The following HM13 variants were observed in gnomAD, a reference collection of about 807,000 sequenced individuals.
The protein encoded by HM13 is signal peptide peptidase.
A neutral mutation model predicts 50.0 loss-of-function variants in HM13; 18 were observed. The observed-to-expected ratio is 0.36, with a 90% CI of 0.25 to 0.53. The LOEUF is 0.53. Ranked by LOEUF, HM13 falls within the 20% of genes least tolerant of loss-of-function variation. HM13 has a pLI of 0.90. For synonymous variants in HM13, 197 were observed against 232.6 expected, an observed-to-expected ratio of 0.85 and a Z score of 1.39; for missense variants, 393 against 552.4, an observed-to-expected ratio of 0.71 and a Z score of 2.89.
chr20:31,535,428 A>C (rs1983053717), intron 2 of HM13: 1 of 152,232 alleles, frequency 6.6e-6, no homozygotes, highest in South Asian at 2.1e-4. Flanking sequence ...AAATGGGCTT[A>C]GTTGTGGCTC....
At chr20:31,558,534 T>C (rs1335896177) in intron 8 of HM13, among the ~76,000 whole-genome samples, 1 of 137,120 alleles carries the variant, frequency 7.3e-6, no homozygotes, top group Non-Finnish European at 1.5e-5. Flanking sequence ...TCCAGGACCT[T>C]TGCACATGCT....
intron 2 of HM13, among the ~76,000 whole-genome samples, chr20:31,537,259 G>T (rs1156877580): frequency 1.3e-5 from 2 of 152,238 alleles, no homozygotes; most frequent in African/African-American, 4.8e-5. Flanking sequence ...GCAAGAGCAT[G>T]TGTGAGCCAA....
chr20:31,562,191 C>T (rs1038482190), intron 10 of HM13, among the ~76,000 whole-genome samples: 1 of 152,114 alleles, frequency 6.6e-6, no homozygotes, highest in Non-Finnish European at 1.5e-5. Context: ...CCAGGCTCTG[C>T]CTCCTTCTCC....
At chr20:31,540,312 C>T (rs1363365129) in intron 3 of HM13, 3 of 152,328 alleles carry the variant, frequency 2.0e-5, no homozygotes, top group Admixed American at 6.5e-5. Context: ...CCAGTCCTTT[C>T]GTGGTGGACC....
rs118112928 is a variant in HM13, at chr20:31,561,931, C to T, written c.948+195C>T. ...GCCACTGCTCTAGGCAGCATGGGCA[C>T]GTTAGAGGCAAGAAGGAGGGAAAAG... On this transcript the variant is annotated intron_variant, in intron 10 of 12. Coordinates refer to ENST00000398174, the MANE Select transcript of HM13 (RefSeq NM_178581.3). Among the ~76,000 whole-genome samples, 1,116 of 152,296 alleles carry T rather than the reference C, an allele frequency of 7.3e-3. 9 individuals carry two copies. The highest frequency in any genetic ancestry group is 0.048 in the Middle Eastern group (14 of 294).
intron 1 of HM13, among the ~76,000 whole-genome samples, chr20:31,516,064 C>T (rs1340234081): frequency 3.3e-5 from 5 of 152,218 alleles, no homozygotes. Context: ...AGTAGTTAGG[C>T]GGGGCTTAGG....
chr20:31,547,481 T>G (rs1244478203), intron 4 of HM13: 1 of 632,442 alleles, frequency 1.6e-6, no homozygotes, highest in Non-Finnish European at 2.8e-6. Flanking sequence ...GTTTCCCTGT[T>G]GTCGCCCGCT....
intron 1 of HM13, among the ~76,000 whole-genome samples, chr20:31,526,429 T>C (rs898353483): frequency 1.3e-5 from 2 of 152,202 alleles, no homozygotes; most frequent in Non-Finnish European, 2.9e-5. Flanking sequence ...AGTGCTGGGA[T>C]TACAGGCGTG....
At chr20:31,531,537 T>C (rs556003157) in intron 2 of HM13, among the ~76,000 whole-genome samples, 3 of 152,268 alleles carry the variant, frequency 2.0e-5, no homozygotes, top group Non-Finnish European at 4.4e-5. Context: ...TTTGGGACTA[T>C]AGACGTATGT....
intron 1 of HM13, among the ~76,000 whole-genome samples, chr20:31,518,202 A>C (rs989407064): frequency 1.4e-4 from 21 of 151,460 alleles, no homozygotes; most frequent in African/African-American, 4.8e-4. Context: ...CGCCTGGCTA[A>C]TTTTGTATTT....
intron 2 of HM13, among the ~76,000 whole-genome samples, chr20:31,537,677 C>G (rs1225782098): frequency 3.0e-4 from 46 of 152,194 alleles, no homozygotes; most frequent in Admixed American, 2.6e-3. Context: ...ATAGCTTCAG[C>G]CATCACTGCA....
intron 10 of HM13, among the ~76,000 whole-genome samples, chr20:31,564,368 G>C (rs422832): frequency 1.3e-5 from 2 of 152,024 alleles, no homozygotes; most frequent in Admixed American, 1.3e-4. Flanking sequence ...CTTGAGCTCA[G>C]GAGTTCAAGA....
Position 31,569,199 on chromosome 20 carries a change from C to T in HM13, c.1261C>T (p.Leu421=). Residue 421 remains leucine, a synonymous_variant, in exon 13 of 13, where the codon CTG becomes TTG. Coordinates refer to ENST00000398174, the MANE Select transcript of HM13 (RefSeq NM_178581.3). The part of the protein sequence containing the change: ...EGTEASASKG[L]EKKEK ...AACAGAGGCATCAGCATCGAAGGGG[C>T]TGGAGAAGAAAGAGAAATGATGCAG... The T allele has an allele frequency of 1.3e-6, 2 of 1,595,640 alleles. No homozygotes were observed. The highest frequency in any genetic ancestry group is 1.1e-5 in the South Asian group (1 of 89,056).
intron 3 of HM13, chr20:31,538,985 TAAGA>T: frequency 1.3e-6 from 1 of 777,748 alleles, no homozygotes; most frequent in Non-Finnish European, 1.6e-6. Context: ...CCAGAGAGGT[TAAGA>T]AATTTGCTAG....
In HM13 at chr20:31,568,162, C is replaced by T. The variant is rs558804893; in HGVS notation, c.1119C>T (p.Ala373=). The T allele has an allele frequency of 9.9e-6, 16 of 1,613,264 alleles. No individual in the cohort carries two copies. The highest frequency in any genetic ancestry group is 6.7e-5 in the African/African-American group (5 of 75,064). The change falls in exon 12 of 13, where the codon GCC becomes GCT. Residue 373 remains alanine, a synonymous_variant. Coordinates refer to ENST00000398174, the MANE Select transcript of HM13 (RefSeq NM_178581.3). ...TCTCGGGCTCCCCAGCCAGCCTGGC[C>T]GACTCCATGCAGCAGAAGCTAGCTG... ...PTVSGSPASL[A]DSMQQKLAGP...
intron 8 of HM13, among the ~76,000 whole-genome samples, chr20:31,558,381 G>A (rs1204128864): frequency 2.6e-5 from 4 of 152,030 alleles, no homozygotes; most frequent in Non-Finnish European, 5.9e-5. Flanking sequence ...CCTCCAGTGC[G>A]TCTCTTCACT....
chr20:31,569,113 T>G lies in HM13; in HGVS notation c.1182-7T>G. 1 of 1,510,578 alleles carries G rather than the reference T, an allele frequency of 6.6e-7. No individual in the cohort carries two copies. The allele number at this position is 1,510,578 out of a possible 1,614,324, so 93.6% of individuals were successfully genotyped here. ...ATTTTTATTGTTGTTTTTTTTTTTTTGGTCAGTTATGAGGAGTCAAATCCT... is the reference window on the plus strand; with the variant it reads ...ATTTTTATTGTTGTTTTTTTTTTTTGGGTCAGTTATGAGGAGTCAAATCCT... On this transcript the variant is annotated splice_polypyrimidine_tract_variant and splice_region_variant and intron_variant, in intron 12 of 12. Coordinates refer to ENST00000398174, the MANE Select transcript of HM13 (RefSeq NM_178581.3).
At chr20:31,540,379 G>C (rs2122596719) in intron 3 of HM13, 1 of 152,328 alleles carries the variant, frequency 6.6e-6, no homozygotes, top group South Asian at 2.1e-4. Flanking sequence ...TTCCCATGCT[G>C]ATTAGGATCC....
chr20:31,527,723 C>T (rs1340304705), intron 2 of HM13, 141 bp downstream of exon 2: 3 of 624,944 alleles, frequency 4.8e-6, no homozygotes, highest in Non-Finnish European at 8.3e-6. Context: ...ACCCATAGAC[C>T]TACCCAAAGA....
Sources: allele counts gnomAD v4.1 joint callset (sites outside exome capture counted in the v4.1 genomes callset), GRCh38; gene constraint gnomAD v4.1.1; transcripts MANE v1.5; gene names NCBI Gene and HGNC (gene_info 2026-07-23, HGNC 2026-07-21).